The following ZNF804A variants were observed in gnomAD, a reference collection of about 807,000 sequenced individuals.
ZNF804A encodes the protein zinc finger protein 804A.
In ZNF804A, 2 loss-of-function variants were observed where a neutral mutation model predicts 16.5. That is an observed-to-expected ratio of 0.12 (90% CI 0.05 to 0.38). The LOEUF (loss-of-function observed/expected upper bound fraction) is 0.38. Among genes scored for constraint, ZNF804A ranks in the 10% least tolerant of loss-of-function variants. The pLI is 0.99. For synonymous variants in ZNF804A, 534 were observed against 489.6 expected, an observed-to-expected ratio of 1.09 and a Z score of -1.20; for missense variants, 1,473 against 1,390.7, an observed-to-expected ratio of 1.06 and a Z score of -0.94.
intron 1 of ZNF804A, among the ~76,000 whole-genome samples, chr2:184,759,105 A>C (rs1037734842): frequency 2.6e-5 from 4 of 151,234 alleles, no homozygotes; most frequent in African/African-American, 9.7e-5. Context: ...ATTATATATT[A>C]TATCTAATCT....
intron 1 of ZNF804A, among the ~76,000 whole-genome samples, chr2:184,767,637 T>C (rs965900033): frequency 1.3e-5 from 2 of 152,168 alleles, no homozygotes; most frequent in African/African-American, 4.8e-5. Flanking sequence ...CACCACTCAC[T>C]TTATTAAAAT....
At chr2:184,685,150 G>T (rs893162562) in intron 1 of ZNF804A, among the ~76,000 whole-genome samples, 1 of 152,114 alleles carries the variant, frequency 6.6e-6, no homozygotes, top group African/African-American at 2.4e-5. Context: ...TGCTATGTGG[G>T]GGCAGGCAGC....
At chr2:184,717,609 G>A (rs72901817) in intron 1 of ZNF804A, among the ~76,000 whole-genome samples, 1 of 152,152 alleles carries the variant, frequency 6.6e-6, no homozygotes, top group South Asian at 2.1e-4. Flanking sequence ...AAGGGTTATT[G>A]CATTACATGT....
At chr2:184,800,147 A>C (rs1300220679) in intron 1 of ZNF804A, among the ~76,000 whole-genome samples, 1 of 151,988 alleles carries the variant, frequency 6.6e-6, no homozygotes, top group Non-Finnish European at 1.5e-5. Flanking sequence ...CACTTCTCAT[A>C]TATGTAACTT....
intron 1 of ZNF804A, among the ~76,000 whole-genome samples, chr2:184,789,751 T>G (rs1558962083): frequency 6.6e-6 from 1 of 152,160 alleles, no homozygotes; most frequent in East Asian, 1.9e-4. Flanking sequence ...TAGTCTGTGA[T>G]TTTTGTTTAT....
chr2:184,603,925 A>G (rs1691090099), intron 1 of ZNF804A, among the ~76,000 whole-genome samples: 1 of 152,152 alleles, frequency 6.6e-6, no homozygotes, highest in South Asian at 2.1e-4. Flanking sequence ...AGAACACATT[A>G]TTCTAGTATC....
chr2:184,797,746 C>T (rs560622392), intron 1 of ZNF804A, among the ~76,000 whole-genome samples: 2 of 151,956 alleles, frequency 1.3e-5, no homozygotes, highest in East Asian at 1.9e-4. Flanking sequence ...TTCCTGTGTA[C>T]CTTGGATTTT....
chr2:184,600,523 T>C (rs1230037569), intron 1 of ZNF804A, among the ~76,000 whole-genome samples: 1 of 152,148 alleles, frequency 6.6e-6, no homozygotes, highest in Non-Finnish European at 1.5e-5. Flanking sequence ...CTGGCCCCAC[T>C]TAGAGAAGTA....
chr2:184,680,184 G>A (rs1692513172), intron 1 of ZNF804A, among the ~76,000 whole-genome samples: 1 of 151,376 alleles, frequency 6.6e-6, no homozygotes, highest in East Asian at 2.0e-4. Flanking sequence ...ACTACCCACT[G>A]TGGGTCTTCT....
intron 1 of ZNF804A, among the ~76,000 whole-genome samples, chr2:184,789,358 A>G (rs1694496958): frequency 6.6e-6 from 1 of 152,094 alleles, no homozygotes; most frequent in South Asian, 2.1e-4. Flanking sequence ...AGAATGAGTT[A>G]AAGAAAGATG....
rs111979841 is a variant in ZNF804A at position 184,636,323 on chromosome 2, A to T, written c.111+37253A>T. Among the ~76,000 whole-genome samples, 253 of 139,622 alleles carry T rather than the reference A, an allele frequency of 1.8e-3. 1 individual carries two copies. The highest frequency in any genetic ancestry group is 2.8e-3 in the Non-Finnish European group (180 of 64,120). 91.6% of individuals were successfully genotyped at this position (139,622 alleles called of 152,430 possible). Reference sequence around the variant, plus strand: ...GTTTTCTTTTGTGTGTGTGTGTGTGAGAGAGAGAGAGAGAAAGAGAGAGAG... The same window carrying T: ...GTTTTCTTTTGTGTGTGTGTGTGTGTGAGAGAGAGAGAGAAAGAGAGAGAG... On this transcript the variant is annotated intron_variant, in intron 1 of 3. Coordinates refer to ENST00000302277, the MANE Select transcript of ZNF804A (RefSeq NM_194250.2).
At chr2:184,689,287 C>A (rs780291324) in intron 1 of ZNF804A, among the ~76,000 whole-genome samples, 13 of 152,108 alleles carry the variant, frequency 8.5e-5, no homozygotes, top group Non-Finnish European at 1.6e-4. Flanking sequence ...CAATCATCTT[C>A]TAGATTATTT....
At chr2:184,844,039 A>G (rs900529846) in intron 1 of ZNF804A, among the ~76,000 whole-genome samples, 3 of 152,058 alleles carry the variant, frequency 2.0e-5, no homozygotes, top group African/African-American at 7.2e-5. Context: ...GGCATCAATT[A>G]TACTTCTTAA....
chr2:184,835,471 T>C (rs1460940738), intron 1 of ZNF804A, among the ~76,000 whole-genome samples: 2 of 152,100 alleles, frequency 1.3e-5, no homozygotes, highest in Non-Finnish European at 2.9e-5. Context: ...AATGGTAAAC[T>C]GACAGGGCAC....
rs916794086 is a variant in ZNF804A, at chr2:184,834,561, C to T, written c.112-31808C>T. Among the ~76,000 whole-genome samples the T allele has an allele frequency of 5.8e-4, 88 of 152,064 alleles. 4 individuals are homozygous for T. The highest frequency in any genetic ancestry group is 1.5e-5 in the Non-Finnish European group (1 of 67,982). On this transcript the variant is annotated intron_variant, in intron 1 of 3. Transcript: ENST00000302277. The stretch of plus-strand genomic sequence containing the variant: ...CTCTGTCTTGCTGCTGCTCCCTTTA[C>T]CTTCCTTTCTCTCTCTCTCAGAAAG...
intron 2 of ZNF804A, among the ~76,000 whole-genome samples, chr2:184,911,815 A>T (rs1004948176): frequency 1.1e-4 from 17 of 151,922 alleles, no homozygotes; most frequent in Non-Finnish European, 1.9e-4. Context: ...TAAAAAACAA[A>T]TTGTTTTTGT....
chr2:184,771,257 TGTA>T (rs1235420514), intron 1 of ZNF804A, among the ~76,000 whole-genome samples: 1 of 152,070 alleles, frequency 6.6e-6, no homozygotes, highest in Non-Finnish European at 1.5e-5. Flanking sequence ...ACAATAAGGT[TGTA>T]GTGCTTGAGA....
At chr2:184,662,178 C>T (rs948631309) in intron 1 of ZNF804A, among the ~76,000 whole-genome samples, 2 of 152,140 alleles carry the variant, frequency 1.3e-5, no homozygotes, top group Non-Finnish European at 2.9e-5. Context: ...ATGTTTTGTT[C>T]TGTTGCTATT....
chr2:184,737,209 A>C (rs1693636599), intron 1 of ZNF804A, among the ~76,000 whole-genome samples: 1 of 151,688 alleles, frequency 6.6e-6, no homozygotes, highest in Non-Finnish European at 1.5e-5. Context: ...GGCAATCGCC[A>C]CCATGCCCGG....
Sources: gnomAD v4.1 joint callset for allele counts (sites outside exome capture counted in the v4.1 genomes callset) on GRCh38, gnomAD v4.1.1 for gene constraint, MANE v1.5 for transcripts, NCBI Gene and HGNC (gene_info 2026-07-23, HGNC 2026-07-21) for gene names.